BET1: variants seen among roughly 807,000 people sequenced by gnomAD.
The protein encoded by BET1 is BET1 homolog.
A neutral mutation model predicts 13.9 loss-of-function variants in BET1; 9 were observed. The observed-to-expected ratio is 0.65, with a 90% confidence interval of 0.39 to 1.13. BET1 has a LOEUF of 1.13. Ranked by LOEUF, BET1 falls within the 50% of genes most tolerant of loss-of-function variation. The pLI, the probability that BET1 is intolerant of heterozygous loss-of-function variation, is 0.01. For synonymous variants in BET1, 39 were observed against 47.3 expected, an observed-to-expected ratio of 0.82 and a Z score of 0.72; for missense variants, 127 against 133.6, an observed-to-expected ratio of 0.95 and a Z score of 0.24.
In BET1 at chr7:94,002,710, C is replaced by T. The variant is rs150800229; in HGVS notation, c.19+1488G>A. On this transcript the variant is annotated intron_variant, in intron 1 of 3. Coordinates refer to ENST00000222547, the MANE Select transcript of BET1 (RefSeq NM_005868.6). Reference sequence around the variant, plus strand: ...GGGGCCTACTGATGAAATCCAAACTCTTTGGCCTCGCATGCAAAGATCTCC... The same window carrying T: ...GGGGCCTACTGATGAAATCCAAACTTTTTGGCCTCGCATGCAAAGATCTCC... Among the ~76,000 whole-genome samples, 317 of 152,140 alleles carry T rather than the reference C, an allele frequency of 2.1e-3. 1 individual carries two copies. Among genetic ancestry groups the T allele is most frequent in the African/African-American group, 6.9e-3 (287 of 41,478 alleles).
rs79526205 is a variant in BET1 at position 94,002,458 on chromosome 7, TAAAA to T, written c.19+1736_19+1739del. Among the ~76,000 whole-genome samples the T allele has an allele frequency of 1.7e-3, 220 of 128,082 alleles. 1 individual carries two copies. The East Asian group carries it at 0.021, about 12-fold the overall frequency. 84.0% of individuals were successfully genotyped at this position (128,082 alleles called of 152,430 possible). A position where few individuals can be genotyped will look rare whatever the true frequency, so the allele number is the denominator to read the frequency against. Reference sequence around the variant, plus strand: ...TCTCAATCACAGAAGAGCTTTTTTTTAAAAAAAAAAAAAAAAGAAAGAAAAAAAA... The same window carrying T: ...TCTCAATCACAGAAGAGCTTTTTTTTAAAAAAAAAAAAGAAAGAAAAAAAA... On this transcript the variant is annotated intron_variant, in intron 1 of 3. Coordinates refer to ENST00000222547, the MANE Select transcript of BET1 (RefSeq NM_005868.6).
At chr7:94,001,266 G>C (rs1584149570) in intron 1 of BET1, among the ~76,000 whole-genome samples, 1 of 152,256 alleles carries the variant, frequency 6.6e-6, no homozygotes, top group East Asian at 1.9e-4. Context: ...CATACACACT[G>C]TAAGGCACAC....
chr7:93,994,978 G>T (rs1795731041), intron 3 of BET1, among the ~76,000 whole-genome samples: 1 of 152,150 alleles, frequency 6.6e-6, no homozygotes, highest in Admixed American at 6.5e-5. Context: ...CAAGTAGCTG[G>T]GACTACAGGC....
intron 2 of BET1, among the ~76,000 whole-genome samples, chr7:93,998,607 G>A (rs1795822913): frequency 6.6e-6 from 1 of 152,046 alleles, no homozygotes; most frequent in Non-Finnish European, 1.5e-5. Context: ...GCTGAGACAG[G>A]GGGATTGCTT....
chr7:93,965,493 A>G (rs965333049), exon 7 of BET1: 3 of 152,052 alleles, frequency 2.0e-5, no homozygotes, highest in African/African-American at 7.2e-5. Context: ...ATCCATAATA[A>G]GGACTTTTGT....
intron 6 of BET1, among the ~76,000 whole-genome samples, chr7:93,967,616 A>G (rs1795195514): frequency 1.3e-5 from 2 of 151,838 alleles, no homozygotes; most frequent in South Asian, 4.1e-4. Flanking sequence ...TGAGTTTTAT[A>G]TTATGACGTC....
Position 93,994,230 on chromosome 7 carries a change from T to A in BET1, c.357A>T (p.Ter119CysextTer3). 1 of 1,597,390 alleles carries A rather than the reference T, an allele frequency of 6.3e-7. No individual in the cohort carries two copies. Among genetic ancestry groups the A allele is most frequent in the Non-Finnish European group, 8.5e-7 (1 of 1,173,182 alleles). Residue 119 changes from the stop codon to cysteine (C), a stop_lost, in exon 4 of 4, where the codon TGA (stop) becomes TGT (cysteine). Coordinates refer to ENST00000222547, the MANE Select transcript of BET1 (RefSeq NM_005868.6). ...FIIYWIIKLR* is the reference protein window; with the variant it reads ...FIIYWIIKLRC The stretch of plus-strand genomic sequence containing the variant: ...AATTCCAAATTCACAATTACATGCA[T>A]CACCTCAGTTTAATAATCCAATAAA...
At chr7:93,995,794 G>C (rs1795755555) in intron 3 of BET1, among the ~76,000 whole-genome samples, 1 of 152,200 alleles carries the variant, frequency 6.6e-6, no homozygotes, top group South Asian at 2.1e-4. Context: ...AAAGGTATAT[G>C]TTGTTAGAGA....
At chr7:93,988,554 C>A (rs1795570863), downstream of BET1, among the ~76,000 whole-genome samples, 1 of 152,010 alleles carries the variant, frequency 6.6e-6, no homozygotes, top group Non-Finnish European at 1.5e-5. Flanking sequence ...GGATTAGTAC[C>A]AGTAGGAATT....
At chr7:93,990,761 T>C (rs764179762), downstream of BET1, among the ~76,000 whole-genome samples, 10 of 152,158 alleles carry the variant, frequency 6.6e-5, no homozygotes, top group Admixed American at 6.5e-4. Flanking sequence ...ACATTTTGCA[T>C]TACACTTCAG....
intron 1 of BET1, among the ~76,000 whole-genome samples, chr7:94,002,242 T>C (rs1375377529): frequency 6.6e-6 from 1 of 152,104 alleles, no homozygotes; most frequent in Non-Finnish European, 1.5e-5. Flanking sequence ...ATTTAGAGAT[T>C]CATGTGAAGT....
At chr7:93,987,863 C>T (rs757442867) in intron 4 of BET1, among the ~76,000 whole-genome samples, 1 of 152,142 alleles carries the variant, frequency 6.6e-6, no homozygotes, top group Non-Finnish European at 1.5e-5. Context: ...ACCCTGTAGA[C>T]ATGGCATTCA....
chr7:93,993,609 T>C lies in BET1; in HGVS notation c.*621A>G. ...TAACTATACTGATACACATGTGCAA[T>C]GGGCCCTACCAGAAATATGCCAAAA... On this transcript the variant is annotated 3_prime_UTR_variant, in exon 4 of 4. Coordinates refer to ENST00000222547, the MANE Select transcript of BET1 (RefSeq NM_005868.6). 27 of 1,232,344 alleles carry C rather than the reference T, an allele frequency of 2.2e-5. No homozygotes were observed. The highest frequency in any genetic ancestry group is 2.7e-5 in the Non-Finnish European group (27 of 985,688). The allele number at this position is 1,232,344 out of a possible 1,614,324, so 76.3% of individuals were successfully genotyped here. A position where few individuals can be genotyped will look rare whatever the true frequency, so the allele number is the denominator to read the frequency against.
chr7:93,996,281 T>A lies in BET1; in HGVS notation c.185A>T (p.Lys62Ile). 6.3e-7 allele frequency: 1 copy of A among 1,581,502 alleles called. No homozygotes were observed. Among genetic ancestry groups the A allele is most frequent in the Non-Finnish European group, 8.6e-7 (1 of 1,161,150 alleles). Residue 62 changes from lysine (K) to isoleucine (I), a missense_variant, in exon 3 of 4, where the codon AAA becomes ATA. Coordinates refer to ENST00000222547, the MANE Select transcript of BET1 (RefSeq NM_005868.6). The part of the protein sequence containing the change: ...EIGHEVKTQN[K>I]LLAEMDSQFD... ...ACCACTTACCATTTCAGCTAATAAT[T>A]TATTCTGGGTTTTAACTTCATGGCC...
chr7:93,976,364 G>C (rs1043161989), intron 4 of BET1, among the ~76,000 whole-genome samples: 4 of 151,560 alleles, frequency 2.6e-5, no homozygotes, highest in African/African-American at 9.7e-5. Context: ...GTGTGTGTGT[G>C]TGTGTGTAAA....
At chr7:93,990,413 G>A (rs1042083476), downstream of BET1, among the ~76,000 whole-genome samples, 1 of 152,084 alleles carries the variant, frequency 6.6e-6, no homozygotes, top group Admixed American at 6.5e-5. Flanking sequence ...GTAAATTGAT[G>A]ACCTGACAAG....
intron 1 of BET1, among the ~76,000 whole-genome samples, chr7:94,002,758 A>G (rs1486184263): frequency 6.6e-6 from 1 of 152,156 alleles, no homozygotes; most frequent in Non-Finnish European, 1.5e-5. Context: ...CGAATCCCCT[A>G]CTTCACCCAA....
At chr7:93,976,399 C>T (rs1795337110) in intron 4 of BET1, among the ~76,000 whole-genome samples, 1 of 151,496 alleles carries the variant, frequency 6.6e-6, no homozygotes, top group South Asian at 2.1e-4. Flanking sequence ...CTGCAAAGCA[C>T]AATAAAGCAA....
At chr7:93,983,510 G>A (rs1584133584) in intron 4 of BET1, among the ~76,000 whole-genome samples, 1 of 152,030 alleles carries the variant, frequency 6.6e-6, no homozygotes, top group Non-Finnish European at 1.5e-5. Context: ...CAATGGTTAA[G>A]TTTGATATAC....
Sources: allele counts gnomAD v4.1 joint callset (sites outside exome capture counted in the v4.1 genomes callset), GRCh38; gene constraint gnomAD v4.1.1; transcripts MANE v1.5; gene names NCBI Gene and HGNC (gene_info 2026-07-23, HGNC 2026-07-21).